The following RNF19A variants were observed in gnomAD, a reference collection of about 807,000 sequenced individuals.
RNF19A encodes the protein E3 ubiquitin-protein ligase RNF19A.
RNF19A carries 32 observed loss-of-function variants against 75.7 expected under a neutral mutation model. That is an observed-to-expected ratio of 0.42 (90% confidence interval 0.32 to 0.57). The LOEUF (loss-of-function observed/expected upper bound fraction) is 0.57. Among genes scored for constraint, RNF19A ranks in the 20% least tolerant of loss-of-function variants. The pLI is 0.10. For missense variants in RNF19A, 782 were observed against 1,036.3 expected, an observed-to-expected ratio of 0.75 and a Z score of 3.37; for synonymous variants, 335 against 345.2, an observed-to-expected ratio of 0.97 and a Z score of 0.33.
Position 100,276,172 on chromosome 8 carries a change from A to C in RNF19A, c.675-1011T>G, listed in dbSNP as rs566325814. Among the ~76,000 whole-genome samples, 67 of 152,340 alleles carry C rather than the reference A, an allele frequency of 4.4e-4. 2 individuals carry two copies. In the South Asian group the frequency reaches 0.014, roughly 32 times the overall value. ...ACTAATGTTCAAAGCAGCCTTATTCAGAATAACCAAAACTGGAATGAGCCC... is the reference window on the plus strand; with the variant it reads ...ACTAATGTTCAAAGCAGCCTTATTCCGAATAACCAAAACTGGAATGAGCCC... On this transcript the variant is annotated intron_variant, in intron 2 of 9. Coordinates refer to ENST00000341084, the MANE Select transcript of RNF19A (RefSeq NM_183419.4).
chr8:100,260,429 CTTTA>C lies in RNF19A; in HGVS notation c.1683-436_1683-433del, dbSNP rs1554666463. Among the ~76,000 whole-genome samples, 1 of 151,968 alleles carries C rather than the reference CTTTA, an allele frequency of 6.6e-6. No individual in the cohort carries two copies. The highest frequency in any genetic ancestry group is 1.5e-5 in the Non-Finnish European group (1 of 67,990). ...TATAAATAACACCTGCCTTTTAATA[CTTTA>C]TTTATTTATATATATTTTTAGAGAC... is the stretch of plus-strand genomic sequence containing the variant. On this transcript the variant is annotated intron_variant, in intron 8 of 9. Coordinates refer to ENST00000341084, the MANE Select transcript of RNF19A (RefSeq NM_183419.4). The surrounding 1 kb of genome is among the most constrained non-coding windows in gnomAD (Gnocchi z 4.1).
intron 1 of RNF19A, among the ~76,000 whole-genome samples, chr8:100,320,442 G>A (rs1822450427): frequency 6.6e-6 from 1 of 152,196 alleles, no homozygotes; most frequent in South Asian, 2.1e-4. Context: ...TATATGCCTA[G>A]AAGCAGAATT....
Position 100,323,867 on chromosome 8 carries a change from C to T in RNF19A, c.-242-10495G>A, listed in dbSNP as rs977540530. Among the ~76,000 whole-genome samples the T allele has an allele frequency of 1.3e-5, 2 of 152,048 alleles. No individual in the cohort carries two copies. The highest frequency in any genetic ancestry group is 6.6e-5 in the Admixed American group (1 of 15,248). On this transcript the variant is annotated intron_variant, in intron 1 of 3. Transcript: ENST00000519527. This position sits in a 1 kb window ranked among gnomAD's most constrained non-coding sequence, Gnocchi z 4.6. The stretch of plus-strand genomic sequence containing the variant: ...ACAAGTTGTTTGTAAAATGACTGTG[C>T]CAAACCAACATTCCTGTCAACGATC...
upstream of RNF19A, among the ~76,000 whole-genome samples, chr8:100,312,636 AAAG>A (rs200597199): frequency 1.5e-3 from 224 of 152,102 alleles, no homozygotes; most frequent in African/African-American, 5.1e-3. Flanking sequence ...AGAAAGAAAG[AAAG>A]AAAACCGGGC....
At chr8:100,283,532 GT>G (rs1563849044) in intron 2 of RNF19A, among the ~76,000 whole-genome samples, 2 of 152,128 alleles carry the variant, frequency 1.3e-5, no homozygotes, top group Non-Finnish European at 2.9e-5. Context: ...TAGAAATACC[GT>G]CCTTCAAACA....
At chr8:100,278,456 A>G (rs1820627124) in intron 2 of RNF19A, among the ~76,000 whole-genome samples, 1 of 152,242 alleles carries the variant, frequency 6.6e-6, no homozygotes. Flanking sequence ...AATGTCCAGT[A>G]TGTTGCAAGA....
Position 100,325,844 on chromosome 8 carries a change from T to A in RNF19A, c.-243+10264A>T, listed in dbSNP as rs180939609. Among the ~76,000 whole-genome samples, 107 of 152,332 alleles carry A rather than the reference T, an allele frequency of 7.0e-4. No individual in the cohort carries two copies. The highest frequency in any genetic ancestry group is 2.5e-3 in the African/African-American group (103 of 41,572). On this transcript the variant is annotated intron_variant, in intron 1 of 3. Transcript: ENST00000519527. The surrounding 1 kb of genome is among the most constrained non-coding windows in gnomAD (Gnocchi z 4.3). ...AGATATAACACGTCAAGCAAGACTT[T>A]AACTCATTTTCTTCCTTCTCTCCTC...
chr8:100,319,528 CTTT>C (rs774604135), intron 1 of RNF19A, among the ~76,000 whole-genome samples: 38 of 121,964 alleles, frequency 3.1e-4, no homozygotes, highest in African/African-American at 1.1e-3. Flanking sequence ...ATCTGGTTCA[CTTT>C]TTTTTTTTTT....
chr8:100,310,058 G>C, upstream of RNF19A: 1 of 985,560 alleles, frequency 1.0e-6, no homozygotes, highest in Non-Finnish European at 1.2e-6. Context: ...CTCCGCAGTT[G>C]TGGCTCGACG....
chr8:100,268,227 A>G (rs1471238775), intron 5 of RNF19A, among the ~76,000 whole-genome samples: 1 of 152,124 alleles, frequency 6.6e-6, no homozygotes, highest in Non-Finnish European at 1.5e-5. Context: ...TTAACAAAAG[A>G]ACTATTTGCT....
intron 2 of RNF19A, among the ~76,000 whole-genome samples, chr8:100,279,866 T>G (rs1369949902): frequency 6.6e-6 from 1 of 152,026 alleles, no homozygotes; most frequent in African/African-American, 2.4e-5. Flanking sequence ...GGTTTTGCCA[T>G]GTTAGTCAGG....
chr8:100,283,084 T>C (rs902718360), intron 2 of RNF19A, among the ~76,000 whole-genome samples: 3 of 152,356 alleles, frequency 2.0e-5, no homozygotes, highest in East Asian at 1.9e-4. Context: ...TGGAGGATCC[T>C]TGGGAGGCTC....
Position 100,269,054 on chromosome 8 carries a change from G to A in RNF19A, c.1029-107C>T. The A allele has an allele frequency of 1.2e-6, 1 of 814,744 alleles. No homozygotes were observed. Among genetic ancestry groups the A allele is most frequent in the Non-Finnish European group, 1.8e-6 (1 of 568,270 alleles). The allele number at this position is 814,744 out of a possible 1,614,324, so 50.5% of individuals were successfully genotyped here. A position where few individuals can be genotyped will look rare whatever the true frequency, so the allele number is the denominator to read the frequency against. On this transcript the variant is annotated intron_variant, in intron 4 of 9. Transcript: ENST00000341084. This position sits in a 1 kb window ranked among gnomAD's most constrained non-coding sequence, Gnocchi z 5.7. ...ATTTTTAAAAACTTCTCATAGTTAG[G>A]AGCTTTTTTCCCCTTTAAATTCTGA...
At chr8:100,328,647 T>C (rs1822571729) in intron 1 of RNF19A, among the ~76,000 whole-genome samples, 1 of 152,082 alleles carries the variant, frequency 6.6e-6, no homozygotes, top group Non-Finnish European at 1.5e-5. Flanking sequence ...AATTTTTGCA[T>C]TTTCAGTAGA....
At chr8:100,290,096 TG>T (rs1190166158) in intron 1 of RNF19A, among the ~76,000 whole-genome samples, 16 of 152,180 alleles carry the variant, frequency 1.1e-4, no homozygotes, top group Admixed American at 1.0e-3. Context: ...GGCTACATTT[TG>T]TGGTGAGGCA....
At chr8:100,295,736 T>C (rs1044244137) in intron 1 of RNF19A, among the ~76,000 whole-genome samples, 2 of 152,198 alleles carry the variant, frequency 1.3e-5, no homozygotes, top group African/African-American at 4.8e-5. Context: ...TAAAGTGATC[T>C]ACTAGAAATG....
At chr8:100,328,769 C>G (rs1405754090) in intron 1 of RNF19A, among the ~76,000 whole-genome samples, 1 of 152,184 alleles carries the variant, frequency 6.6e-6, no homozygotes, top group Non-Finnish European at 1.5e-5. Flanking sequence ...CGCACCTGGT[C>G]TGCGTTAATG....
rs1315476205 is a variant in RNF19A at position 100,260,810 on chromosome 8, A to T, written c.1682+732T>A. ...TATTGATAAAAGACTTGGTGAGAAC[A>T]AAGTAAGCAAGCATTAATACATAAA... On this transcript the variant is annotated intron_variant, in intron 8 of 9. Coordinates refer to ENST00000341084, the MANE Select transcript of RNF19A (RefSeq NM_183419.4). The surrounding 1 kb of genome is among the most constrained non-coding windows in gnomAD (Gnocchi z 4.1). 2.0e-5 allele frequency among the ~76,000 whole-genome samples: 3 copies of T among 152,220 alleles called. No individual in the cohort carries two copies. The highest frequency in any genetic ancestry group is 7.2e-5 in the African/African-American group (3 of 41,452).
At chr8:100,314,904 G>A (rs1035554654), upstream of RNF19A, among the ~76,000 whole-genome samples, 11 of 152,182 alleles carry the variant, frequency 7.2e-5, no homozygotes, top group African/African-American at 2.7e-4. This position sits in a 1 kb window ranked among gnomAD's most constrained non-coding sequence, Gnocchi z 4.1. Flanking sequence ...AGGCACAGAA[G>A]CTTAGCTATG....
Sources: allele counts gnomAD v4.1 joint callset (sites outside exome capture counted in the v4.1 genomes callset), GRCh38; gene constraint gnomAD v4.1.1; non-coding constraint Gnocchi (gnomAD v3.1); transcripts MANE v1.5; gene names NCBI Gene and HGNC (gene_info 2026-07-23, HGNC 2026-07-21).